ABL2: variants seen among roughly 807,000 people sequenced by gnomAD.
ABL2 encodes the protein tyrosine-protein kinase ABL2.
A neutral mutation model predicts 107.7 loss-of-function variants in ABL2; 49 were observed. That is an observed-to-expected ratio of 0.45 (90% CI 0.36 to 0.58). The LOEUF (loss-of-function observed/expected upper bound fraction) is 0.58. Among genes scored for constraint, ABL2 ranks in the 20% least tolerant of loss-of-function variants. The pLI, the probability that ABL2 is intolerant of heterozygous loss-of-function variation, is 0.00. For synonymous variants in ABL2, 549 were observed against 548.6 expected, an observed-to-expected ratio of 1.00 and a Z score of -0.01; for missense variants, 1,245 against 1,457.0, an observed-to-expected ratio of 0.85 and a Z score of 2.37.
chr1:179,227,561 C>G (rs969988329), intron 1 of ABL2, among the ~76,000 whole-genome samples: 10 of 152,174 alleles, frequency 6.6e-5, no homozygotes, highest in Non-Finnish European at 4.4e-5. Context: ...AGAGGATCAC[C>G]ATTGCCTACT....
chr1:179,128,499 G>C (rs1655963433), intron 3 of ABL2, among the ~76,000 whole-genome samples: 1 of 151,964 alleles, frequency 6.6e-6, no homozygotes, highest in Non-Finnish European at 1.5e-5. Context: ...GAAAAGAATT[G>C]GTAATAACAG....
intron 1 of ABL2, among the ~76,000 whole-genome samples, chr1:179,155,901 A>T (rs1271215104): frequency 6.6e-6 from 1 of 152,174 alleles, no homozygotes. Flanking sequence ...TTTTCCTCAA[A>T]AAAAGGATGA....
chr1:179,229,345 T>C lies in ABL2; in HGVS notation c.53A>G (p.Gln18Arg). The part of the protein sequence containing the change: ...VGEAPGLQQP[Q>R]PRGIRGSSAA... ...ACTGCTGCCCCGGATCCCGCGGGGC[T>C]GAGGCTGCTGGAGCCCCGGAGCTTC... Residue 18 changes from glutamine to arginine, a missense_variant, in exon 1 of 12, where the codon CAG (glutamine) becomes CGG (arginine). Transcript: ENST00000502732. The C allele has an allele frequency of 6.3e-7, 1 of 1,584,304 alleles. No homozygotes were observed. Among genetic ancestry groups the C allele is most frequent in the Non-Finnish European group, 8.6e-7 (1 of 1,168,634 alleles).
intron 1 of ABL2, among the ~76,000 whole-genome samples, chr1:179,172,175 T>C (rs991712117): frequency 2.0e-5 from 3 of 152,220 alleles, no homozygotes; most frequent in Non-Finnish European, 4.4e-5. Context: ...AGTTGGTATA[T>C]GCTACACTTA....
At chr1:179,135,403 A>C (rs1402688529) in intron 1 of ABL2, among the ~76,000 whole-genome samples, 39 of 148,760 alleles carry the variant, frequency 2.6e-4, no homozygotes, top group Non-Finnish European at 5.9e-5. Context: ...GGATGTGAGA[A>C]GCGTCTCTGC....
chr1:179,184,632 GGAA>G (rs1364213318), intron 1 of ABL2: 1 of 508,004 alleles, frequency 2.0e-6, no homozygotes, highest in Non-Finnish European at 3.6e-6. Context: ...AAGGGGATGA[GGAA>G]GAAGATGATG....
chr1:179,228,485 T>C (rs1663358224), intron 1 of ABL2, among the ~76,000 whole-genome samples: 1 of 152,128 alleles, frequency 6.6e-6, no homozygotes, highest in Admixed American at 6.5e-5. Context: ...TATGTATGTA[T>C]ATGGGCACAC....
rs540344730 is a variant in ABL2, at chr1:179,205,821, G to A, written c.157+23420C>T. On this transcript the variant is annotated intron_variant, in intron 1 of 11. Transcript: ENST00000502732. Reference sequence around the variant, plus strand: ...GTTAAAATAAAATGTAAGCAAACAAGAACAGCCAGGAATATTCTGAAAAAA... The same window carrying A: ...GTTAAAATAAAATGTAAGCAAACAAAAACAGCCAGGAATATTCTGAAAAAA... Among the ~76,000 whole-genome samples the A allele has an allele frequency of 1.5e-3, 230 of 152,190 alleles. 8 individuals carry two copies. The South Asian group carries it at 0.047, about 31-fold the overall frequency.
rs1654776295 is a variant in ABL2 at position 179,117,614 on chromosome 1, TA to T, written c.1224-99del. 3 of 1,221,496 alleles carry T rather than the reference TA, an allele frequency of 2.5e-6. No homozygotes were observed. In the East Asian group the frequency reaches 7.2e-5, roughly 29 times the overall value. 75.7% of individuals were successfully genotyped at this position (1,221,496 alleles called of 1,614,324 possible). On this transcript the variant is annotated intron_variant, in intron 7 of 11. Coordinates refer to ENST00000502732, the MANE Select transcript of ABL2 (RefSeq NM_007314.4). The stretch of plus-strand genomic sequence containing the variant: ...GTTTTGTGTTATAGGCAGAGTTAAG[TA>T]AGTGCTGACAAATATGGTAGTATCT...
chr1:179,224,768 C>A (rs1339164342), intron 1 of ABL2, among the ~76,000 whole-genome samples: 1 of 150,846 alleles, frequency 6.6e-6, no homozygotes, highest in African/African-American at 2.4e-5. Context: ...ATAATCCCAG[C>A]ACTTTGGGAG....
intron 1 of ABL2, among the ~76,000 whole-genome samples, chr1:179,135,142 C>T (rs909774720): frequency 1.3e-5 from 2 of 152,142 alleles, no homozygotes; most frequent in South Asian, 2.1e-4. Flanking sequence ...AGCCTCTGCC[C>T]GGCCGCCACC....
intron 1 of ABL2, among the ~76,000 whole-genome samples, chr1:179,142,615 G>A (rs1333050379): frequency 1.3e-5 from 2 of 152,070 alleles, no homozygotes; most frequent in Non-Finnish European, 2.9e-5. Flanking sequence ...TCTCTAAGAA[G>A]CTAATAAGTT....
At chr1:179,184,457 C>T in intron 1 of ABL2, 5 of 957,220 alleles carry the variant, frequency 5.2e-6, no homozygotes, top group East Asian at 2.6e-5. Flanking sequence ...GGTTTACTGA[C>T]CATTCTGATG....
chr1:179,134,242 A>G (rs1303175507), intron 1 of ABL2, among the ~76,000 whole-genome samples: 1 of 152,226 alleles, frequency 6.6e-6, no homozygotes, highest in African/African-American at 2.4e-5. Context: ...AATCACATTA[A>G]ACAGTATTTA....
Position 179,099,713 on chromosome 1 carries a change from T to C in ABL2, c.*8005A>G, listed in dbSNP as rs1250580764. The stretch of plus-strand genomic sequence containing the variant: ...TTTGGTATAAACGTTCAACGAGTTT[T>C]AAAGAATTGAATCCGCATGTTTGGG... On this transcript the variant is annotated 3_prime_UTR_variant, in exon 12 of 12. Coordinates refer to ENST00000502732, the MANE Select transcript of ABL2 (RefSeq NM_007314.4). The C allele has an allele frequency of 3.5e-5, 8 of 231,302 alleles. No individual in the cohort carries two copies. Among genetic ancestry groups the C allele is most frequent in the African/African-American group, 1.8e-4 (8 of 45,248 alleles). The allele number at this position is 231,302 out of a possible 1,614,324, so 14.3% of individuals were successfully genotyped here.
rs1026007059 is a variant in ABL2, at chr1:179,191,390, C to G, written c.157+37851G>C. ...AGATGTTGTATGATAGTATGAGAAC[C>G]TTAATCTTTCTGTATGAAATCCCTT... is the stretch of plus-strand genomic sequence containing the variant. On this transcript the variant is annotated intron_variant, in intron 1 of 11. Transcript: ENST00000502732. 2.0e-5 allele frequency among the ~76,000 whole-genome samples: 3 copies of G among 147,406 alleles called. No homozygotes were observed. The Admixed American group carries it at 2.0e-4, about 10-fold the overall frequency.
intron 1 of ABL2, 31 bp downstream of exon 1, chr1:179,229,210 C>CCCCCCCCCCCCCCCA: frequency 4.0e-6 from 6 of 1,489,004 alleles, no homozygotes; most frequent in East Asian, 2.8e-5. Flanking sequence ...GCCTCCCCCA[C>CCCCCCCCCCCCCCCA]GCTCTCATGC....
At chr1:179,172,075 T>C (rs1485294406) in intron 1 of ABL2, among the ~76,000 whole-genome samples, 3 of 152,116 alleles carry the variant, frequency 2.0e-5, no homozygotes, top group African/African-American at 4.8e-5. Context: ...CCAAAATAAT[T>C]CATGGCAAAG....
intron 1 of ABL2, among the ~76,000 whole-genome samples, chr1:179,144,724 A>G (rs536794166): frequency 6.6e-6 from 1 of 152,350 alleles, no homozygotes; most frequent in East Asian, 1.9e-4. Context: ...TGTTTTCAAT[A>G]AAATTATCCT....
Sources: gnomAD v4.1 joint callset for allele counts (sites outside exome capture counted in the v4.1 genomes callset) on GRCh38, gnomAD v4.1.1 for gene constraint, MANE v1.5 for transcripts, NCBI Gene and HGNC (gene_info 2026-07-23, HGNC 2026-07-21) for gene names.